Variants in TBCK observed in about 807,000 individuals in gnomAD.
TBCK encodes TBC domain-containing protein kinase-like protein.
Under a neutral mutation model 113.4 loss-of-function variants are expected in TBCK, and 99 were observed. The ratio of observed to expected loss-of-function variants is 0.87; its 90% CI spans 0.74 to 1.03. TBCK has a LOEUF of 1.03. Ranked by LOEUF, TBCK falls within the 50% of genes least tolerant of loss-of-function variation. TBCK has a pLI of 0.00. For missense variants in TBCK, 1,045 were observed against 1,061.3 expected (o/e 0.98, Z 0.21); for synonymous variants, 369 against 370.8 (o/e 1.00, Z 0.05).
intron 22 of TBCK, among the ~76,000 whole-genome samples, chr4:106,186,340 A>C (rs1001167709): frequency 1.3e-5 from 2 of 152,186 alleles, no homozygotes; most frequent in Non-Finnish European, 2.9e-5. Flanking sequence ...ACTAGTTTAC[A>C]TTCCCGCAGG....
intron 23 of TBCK, among the ~76,000 whole-genome samples, chr4:106,159,433 A>G (rs1749502231): frequency 6.6e-6 from 1 of 152,134 alleles, no homozygotes; most frequent in African/African-American, 2.4e-5. Context: ...AATTCAACAA[A>G]GTAGCAGGAT....
At chr4:106,212,679 C>T in intron 20 of TBCK, 71 bp downstream of exon 20, 1 of 1,097,910 alleles carries the variant, frequency 9.1e-7, no homozygotes, top group Non-Finnish European at 1.3e-6. Flanking sequence ...TAAGAAAATA[C>T]ACTCTTCTGT....
intron 2 of TBCK, among the ~76,000 whole-genome samples, chr4:106,295,667 C>T (rs1393305857): frequency 9.9e-5 from 15 of 152,168 alleles, no homozygotes; most frequent in African/African-American, 3.6e-4. Context: ...ATTGTTAACC[C>T]TTGAACAACG....
chr4:106,313,444 T>A (rs929084543), intron 1 of TBCK, among the ~76,000 whole-genome samples: 1 of 152,160 alleles, frequency 6.6e-6, no homozygotes, highest in Non-Finnish European at 1.5e-5. Context: ...TTTGATTCTA[T>A]ATACAGCCAA....
At position 106,116,266 on chromosome 4, in the gene TBCK, G is replaced by A. The variant is rs1197249754; in HGVS notation, c.2348C>T (p.Pro783Leu). Residue 783 changes from proline to leucine, a missense_variant, in exon 24 of 26, where the codon CCC becomes CTC. Pro to Leu is a moderately conservative substitution (Grantham distance 98, BLOSUM62 -3). Transcript: ENST00000394708. ...TTTACTGGACTTTGTTTTCTTGCTG[G>A]GTGTTTTGAAGTGGCCTGTCACTGT... is the stretch of plus-strand genomic sequence containing the variant. ...ELTVTGHFKT[P>L]SKKTKSSKPK... 5 of 1,613,824 alleles carry A rather than the reference G, an allele frequency of 3.1e-6. No homozygotes were observed. The highest frequency in any genetic ancestry group is 4.2e-6 in the Non-Finnish European group (5 of 1,180,004).
chr4:106,263,763 C>A (rs958958938), intron 3 of TBCK, among the ~76,000 whole-genome samples: 7 of 151,732 alleles, frequency 4.6e-5, no homozygotes, highest in Non-Finnish European at 1.0e-4. Flanking sequence ...AAGAAATAAC[C>A]AGAGATAAAA....
intron 3 of TBCK, among the ~76,000 whole-genome samples, chr4:106,266,332 T>C (rs1413006361): frequency 6.6e-6 from 1 of 151,794 alleles, no homozygotes; most frequent in Non-Finnish European, 1.5e-5. Flanking sequence ...TGTCTGTTTC[T>C]CACACAACTC....
At position 106,273,816 on chromosome 4, in the gene TBCK, T is replaced by G. The variant is rs1413794327; in HGVS notation, c.267-11604A>C. Among the ~76,000 whole-genome samples, 3 of 152,348 alleles carry G rather than the reference T, an allele frequency of 2.0e-5. No homozygotes were observed. The East Asian group carries it at 5.8e-4, about 29-fold the overall frequency. On this transcript the variant is annotated intron_variant, in intron 3 of 25. Transcript: ENST00000394708. ...GTGTGACCCTGCCAACACAGTAAGT[T>G]TTCTGAATTCTGGCCTCCAGAGCTG...
At chr4:106,100,759 T>A (rs1451846536) in intron 24 of TBCK, among the ~76,000 whole-genome samples, 1 of 152,226 alleles carries the variant, frequency 6.6e-6, no homozygotes, top group Non-Finnish European at 1.5e-5. Context: ...TTTCTTAGCA[T>A]GTTATGAGAC....
intron 18 of TBCK, 37 bp from the exon 19 acceptor site, chr4:106,230,483 G>T: frequency 7.5e-7 from 1 of 1,333,250 alleles, no homozygotes; most frequent in South Asian, 1.3e-5. Flanking sequence ...TAAAAAATTA[G>T]TTAACAGGGT....
chr4:106,176,850 G>C (rs576225809), intron 22 of TBCK, among the ~76,000 whole-genome samples: 1 of 151,392 alleles, frequency 6.6e-6, no homozygotes. Flanking sequence ...TCTCTTCTTC[G>C]TAATAGCCTT....
chr4:106,241,467 G>C (rs1042289739), intron 12 of TBCK, among the ~76,000 whole-genome samples: 1 of 151,854 alleles, frequency 6.6e-6, no homozygotes, highest in African/African-American at 2.4e-5. Context: ...AAAAACTGAA[G>C]GTCTTCCCTT....
chr4:106,086,889 A>C (rs1560624160), intron 25 of TBCK, among the ~76,000 whole-genome samples: 1 of 152,204 alleles, frequency 6.6e-6, no homozygotes, highest in Admixed American at 6.5e-5. Flanking sequence ...GCATCCATTC[A>C]TGTTAAAAAC....
intron 25 of TBCK, among the ~76,000 whole-genome samples, chr4:106,073,927 C>A (rs1737843634): frequency 6.6e-6 from 1 of 152,312 alleles, no homozygotes; most frequent in South Asian, 2.1e-4. Flanking sequence ...GAGCCAGGCA[C>A]AGGATATAAT....
intron 24 of TBCK, among the ~76,000 whole-genome samples, chr4:106,098,727 C>T (rs1741217963): frequency 6.6e-6 from 1 of 152,092 alleles, no homozygotes; most frequent in Non-Finnish European, 1.5e-5. Context: ...GAATGCACTA[C>T]AGGATATATT....
intron 23 of TBCK, among the ~76,000 whole-genome samples, chr4:106,144,033 C>G (rs1318321174): frequency 6.6e-6 from 1 of 151,964 alleles, no homozygotes; most frequent in African/African-American, 2.4e-5. Context: ...AGTTTCTGGA[C>G]CAGGAAATAG....
intron 3 of TBCK, among the ~76,000 whole-genome samples, chr4:106,267,978 G>C (rs1289388622): frequency 1.3e-5 from 2 of 151,886 alleles, no homozygotes; most frequent in Non-Finnish European, 2.9e-5. Flanking sequence ...AATACAGATA[G>C]TCTGTCACAA....
At chr4:106,178,419 G>T (rs546555747) in intron 22 of TBCK, among the ~76,000 whole-genome samples, 1 of 151,956 alleles carries the variant, frequency 6.6e-6, no homozygotes, top group East Asian at 1.9e-4. Context: ...AAGCCTGTTG[G>T]TTTTTCCCTA....
At chr4:106,136,093 T>C (rs1746519654) in intron 23 of TBCK, among the ~76,000 whole-genome samples, 1 of 142,012 alleles carries the variant, frequency 7.0e-6, no homozygotes, top group African/African-American at 2.5e-5. Flanking sequence ...GATTAAGTGA[T>C]GGCATTGGTA....
Sources: gnomAD v4.1 joint callset for allele counts (sites outside exome capture counted in the v4.1 genomes callset) on GRCh38, gnomAD v4.1.1 for gene constraint, MANE v1.5 for transcripts, NCBI Gene and HGNC (gene_info 2026-07-23, HGNC 2026-07-21) for gene names.